TCF7L1: variants seen among roughly 807,000 people sequenced by gnomAD.
TCF7L1 encodes transcription factor 7 like 1.
In TCF7L1, 18 loss-of-function variants were observed where a neutral mutation model predicts 63.7. That is an observed-to-expected ratio of 0.28 (90% CI 0.20 to 0.42). The LOEUF (loss-of-function observed/expected upper bound fraction) is 0.42. TCF7L1 is among the 10% of genes least tolerant of loss of function. The pLI, the probability that TCF7L1 is intolerant of heterozygous loss-of-function variation, is 1.00. For missense variants in TCF7L1, 654 were observed against 779.3 expected, an observed-to-expected ratio of 0.84 and a Z score of 1.91; for synonymous variants, 355 against 340.9, an observed-to-expected ratio of 1.04 and a Z score of -0.46.
intron 3 of TCF7L1, among the ~76,000 whole-genome samples, chr2:85,203,819 G>T (rs1679333120): frequency 6.6e-6 from 1 of 152,044 alleles, no homozygotes; most frequent in South Asian, 2.1e-4. Context: ...AGATTAAAAA[G>T]AAGTTTAAAA....
At chr2:85,159,864 A>G (rs890412470) in intron 3 of TCF7L1, among the ~76,000 whole-genome samples, 1 of 152,124 alleles carries the variant, frequency 6.6e-6, no homozygotes, top group African/African-American at 2.4e-5. Flanking sequence ...AGGGGGACCC[A>G]GCTTCCTCCA....
intron 3 of TCF7L1, among the ~76,000 whole-genome samples, chr2:85,265,706 A>G (rs1680952570): frequency 6.6e-6 from 1 of 152,180 alleles, no homozygotes; most frequent in Non-Finnish European, 1.5e-5. Context: ...CATTCAAAAT[A>G]AAACAGCACT....
intron 3 of TCF7L1, among the ~76,000 whole-genome samples, chr2:85,180,509 A>C (rs1678779650): frequency 1.3e-5 from 2 of 151,872 alleles, no homozygotes; most frequent in South Asian, 4.2e-4. Context: ...TTCCAACCCC[A>C]CACAGATTTC....
chr2:85,167,271 A>G (rs1678440749), intron 3 of TCF7L1: 1 of 152,334 alleles, frequency 6.6e-6, no homozygotes, highest in Non-Finnish European at 1.5e-5. Flanking sequence ...AGCACATGGT[A>G]CAAGACCAGC....
At chr2:85,218,098 C>T (rs1436104259) in intron 3 of TCF7L1, among the ~76,000 whole-genome samples, 1 of 152,028 alleles carries the variant, frequency 6.6e-6, no homozygotes, top group Non-Finnish European at 1.5e-5. Context: ...GTGAAATTTT[C>T]CTATATATGT....
chr2:85,261,126 GTGTGTGTGTGT>G (rs1680848929), intron 3 of TCF7L1, among the ~76,000 whole-genome samples: 125 of 106,878 alleles, frequency 1.2e-3, no homozygotes, highest in African/African-American at 4.6e-3. Context: ...TATTGCTGGT[GTGTGTGTGTGT>G]GTGTGTGTGT....
chr2:85,288,369 G>C (rs1681610651), intron 4 of TCF7L1, among the ~76,000 whole-genome samples: 1 of 152,140 alleles, frequency 6.6e-6, no homozygotes, highest in Non-Finnish European at 1.5e-5. Context: ...ACAAACCAGA[G>C]GCGGAGTGGA....
At chr2:85,145,971 A>C (rs576712592) in intron 3 of TCF7L1, among the ~76,000 whole-genome samples, 4 of 152,094 alleles carry the variant, frequency 2.6e-5, no homozygotes, top group Admixed American at 2.6e-4. Flanking sequence ...TCGACCTCCC[A>C]AAGTGCTGGG....
At chr2:85,246,062 A>T (rs182862977) in intron 3 of TCF7L1, among the ~76,000 whole-genome samples, 1 of 143,082 alleles carries the variant, frequency 7.0e-6, no homozygotes, top group East Asian at 1.9e-4. Flanking sequence ...GACTCAATGC[A>T]ATGGTGTTAT....
intron 3 of TCF7L1, among the ~76,000 whole-genome samples, chr2:85,282,023 T>C (rs1231012605): frequency 2.6e-5 from 4 of 152,190 alleles, no homozygotes. Context: ...AGTCTCACTC[T>C]GTCGTCCAGG....
chr2:85,281,093 G>A (rs1232125759), intron 3 of TCF7L1, among the ~76,000 whole-genome samples: 2 of 145,742 alleles, frequency 1.4e-5, no homozygotes, highest in African/African-American at 2.5e-5. Flanking sequence ...GTGTGATCTC[G>A]GTTCACTGCA....
chr2:85,281,075 G>A (rs1437595322), intron 3 of TCF7L1, among the ~76,000 whole-genome samples: 1 of 147,494 alleles, frequency 6.8e-6, no homozygotes, highest in Non-Finnish European at 1.5e-5. Context: ...CCAGGCTGGA[G>A]TGCAGTGGTG....
At chr2:85,296,198 C>CA (rs1414240402) in intron 4 of TCF7L1, among the ~76,000 whole-genome samples, 1 of 152,232 alleles carries the variant, frequency 6.6e-6, no homozygotes, top group East Asian at 1.9e-4. Context: ...CACCTGGCAT[C>CA]ATGGATTACA....
At chr2:85,309,004 A>G in intron 11 of TCF7L1, 25 bp from the exon 12 acceptor site, 1 of 1,557,012 alleles carries the variant, frequency 6.4e-7, no homozygotes, top group Non-Finnish European at 8.7e-7. Flanking sequence ...ATAGCTGCTC[A>G]CTCTTTCTTG....
At chr2:85,207,404 G>T (rs1006607330) in intron 3 of TCF7L1, among the ~76,000 whole-genome samples, 1 of 152,040 alleles carries the variant, frequency 6.6e-6, no homozygotes, top group Non-Finnish European at 1.5e-5. Flanking sequence ...TCATACACAG[G>T]TTCCTCCTTT....
intron 3 of TCF7L1, among the ~76,000 whole-genome samples, chr2:85,171,576 T>C (rs543574901): frequency 2.4e-4 from 37 of 152,340 alleles, no homozygotes; most frequent in African/African-American, 8.9e-4. Flanking sequence ...TGGGTAAATA[T>C]TGGGAAAGCC....
At chr2:85,304,190 A>G (rs754850306) in intron 6 of TCF7L1, 65 bp from the exon 7 acceptor site, 11 of 1,502,176 alleles carry the variant, frequency 7.3e-6, no homozygotes, top group Non-Finnish European at 1.0e-5. Context: ...CCTTCTTCCC[A>G]AGTGCCTCTC....
intron 3 of TCF7L1, among the ~76,000 whole-genome samples, chr2:85,184,056 T>C (rs941781817): frequency 4.6e-5 from 7 of 152,108 alleles, no homozygotes; most frequent in Non-Finnish European, 8.8e-5. Context: ...AGGCCTAAGT[T>C]CTCTCCTCTT....
intron 3 of TCF7L1, among the ~76,000 whole-genome samples, chr2:85,218,319 C>T (rs147227518): frequency 3.4e-4 from 52 of 152,134 alleles, no homozygotes; most frequent in African/African-American, 1.2e-3. Flanking sequence ...TGCAGTGGCA[C>T]GATCTTGGCT....
Sources: allele counts gnomAD v4.1 joint callset (sites outside exome capture counted in the v4.1 genomes callset), GRCh38; gene constraint gnomAD v4.1.1; transcripts MANE v1.5; gene names NCBI Gene and HGNC (gene_info 2026-07-23, HGNC 2026-07-21).